GALNT13: variants seen among roughly 807,000 people sequenced by gnomAD.
GALNT13 encodes the protein polypeptide N-acetylgalactosaminyltransferase 13.
In GALNT13, 28 loss-of-function variants were observed where a neutral mutation model predicts 64.2. The ratio of observed to expected loss-of-function variants is 0.44; its 90% confidence interval spans 0.32 to 0.60. GALNT13 has a LOEUF of 0.60. Among genes scored for constraint, GALNT13 ranks in the 20% least tolerant of loss-of-function variants. The pLI is 0.05. For synonymous variants in GALNT13, 214 were observed against 224.6 expected, an observed-to-expected ratio of 0.95 and a Z score of 0.42; for missense variants, 577 against 669.8, an observed-to-expected ratio of 0.86 and a Z score of 1.53.
At chr2:153,791,129 T>G in the GALNT13 span, among the ~76,000 whole-genome samples, 4 of 152,088 alleles carry the variant, frequency 2.6e-5, no homozygotes, top group Non-Finnish European at 2.9e-5. Flanking sequence ...CATCTGACAA[T>G]GATCTAATAA....
At chr2:153,986,203 T>C (rs1694789382) in intron 3 of GALNT13, among the ~76,000 whole-genome samples, 2 of 152,004 alleles carry the variant, frequency 1.3e-5, no homozygotes, top group African/African-American at 2.4e-5. Context: ...GGTACATGCA[T>C]TAACATGGAG....
intron 9 of GALNT13, among the ~76,000 whole-genome samples, chr2:154,390,994 G>A (rs1377477799): frequency 4.6e-5 from 7 of 152,302 alleles, no homozygotes; most frequent in Admixed American, 2.6e-4. Flanking sequence ...TACAGAGCTT[G>A]ACCACAGTAA....
At chr2:154,378,396 C>T (rs6760603) in intron 9 of GALNT13, among the ~76,000 whole-genome samples, 87,820 of 151,956 alleles carry the variant, frequency 0.58, 25,783 homozygotes, top group Admixed American at 0.65. Context: ...GAGAAGGACT[C>T]ACTTCCACAC....
At chr2:153,077,455 A>G in the GALNT13 span, among the ~76,000 whole-genome samples, 2 of 152,092 alleles carry the variant, frequency 1.3e-5, no homozygotes, top group South Asian at 4.1e-4. Context: ...TGTCAGAGGC[A>G]AGTGTTCATA....
the GALNT13 span, among the ~76,000 whole-genome samples, chr2:153,603,616 C>A: frequency 6.6e-6 from 1 of 151,890 alleles, no homozygotes; most frequent in Non-Finnish European, 1.5e-5. Flanking sequence ...GTACTATAGA[C>A]TTTGCTGTGA....
intron 2 of GALNT13, among the ~76,000 whole-genome samples, chr2:153,927,243 G>A (rs1402950452): frequency 6.6e-6 from 1 of 151,830 alleles, no homozygotes; most frequent in Non-Finnish European, 1.5e-5. Flanking sequence ...TCCCATCTTT[G>A]CTAAAATATA....
At chr2:154,438,888 T>C (rs1230851005) in intron 12 of GALNT13, among the ~76,000 whole-genome samples, 162 bp downstream of exon 12, 1 of 152,154 alleles carries the variant, frequency 6.6e-6, no homozygotes, top group Non-Finnish European at 1.5e-5. Flanking sequence ...GCATATCATA[T>C]AAACAGGTTT....
the GALNT13 span, among the ~76,000 whole-genome samples, chr2:153,612,310 C>T: frequency 6.6e-6 from 1 of 152,028 alleles, no homozygotes; most frequent in African/African-American, 2.4e-5. Flanking sequence ...ACCAGAAATA[C>T]CATTTGACCC....
At chr2:154,288,346 C>G (rs1445703150) in intron 8 of GALNT13, among the ~76,000 whole-genome samples, 1 of 152,010 alleles carries the variant, frequency 6.6e-6, no homozygotes, top group Non-Finnish European at 1.5e-5. Flanking sequence ...GGAGACAGAG[C>G]CAAACCATAT....
chr2:153,550,669 C>T, the GALNT13 span, among the ~76,000 whole-genome samples: 1 of 152,238 alleles, frequency 6.6e-6, no homozygotes, highest in East Asian at 1.9e-4. Context: ...GTATAATGAA[C>T]CATATTTTAC....
intron 9 of GALNT13, among the ~76,000 whole-genome samples, chr2:154,339,128 C>T (rs1223049877): frequency 2.0e-5 from 3 of 152,070 alleles, no homozygotes; most frequent in African/African-American, 7.2e-5. Context: ...AAAATCAGAT[C>T]CGCATCCTGC....
At chr2:153,846,531 T>C in the GALNT13 span, among the ~76,000 whole-genome samples, 6 of 152,092 alleles carry the variant, frequency 3.9e-5, no homozygotes, top group Admixed American at 6.5e-5. Context: ...GATGTTAGAT[T>C]TAAACTTAAG....
intron 9 of GALNT13, among the ~76,000 whole-genome samples, chr2:154,312,386 T>G (rs192373407): frequency 2.0e-3 from 298 of 152,326 alleles, no homozygotes; most frequent in African/African-American, 6.2e-3. Context: ...CTAATGACAT[T>G]GGGATTTCTT....
At chr2:153,170,909 AAAGT>A in the GALNT13 span, among the ~76,000 whole-genome samples, 10 of 152,378 alleles carry the variant, frequency 6.6e-5, no homozygotes, top group South Asian at 2.1e-4. Flanking sequence ...TTTGATTAAC[AAAGT>A]AAGGTTCTGA....
chr2:154,216,039 A>G (rs1688024207), intron 4 of GALNT13, among the ~76,000 whole-genome samples: 1 of 152,040 alleles, frequency 6.6e-6, no homozygotes. Flanking sequence ...TTTACATTTG[A>G]TATTTTCTTT....
chr2:154,328,356 T>G (rs1305347503), intron 9 of GALNT13, among the ~76,000 whole-genome samples: 1 of 152,176 alleles, frequency 6.6e-6, no homozygotes, highest in African/African-American at 2.4e-5. Flanking sequence ...TTTTTGATAC[T>G]CATCCACACT....
At chr2:153,585,887 A>G in the GALNT13 span, among the ~76,000 whole-genome samples, 29 of 152,314 alleles carry the variant, frequency 1.9e-4, no homozygotes, top group African/African-American at 6.7e-4. Flanking sequence ...ATTAAGTATC[A>G]TAAATAAAGA....
chr2:154,106,024 C>T (rs542860550), intron 3 of GALNT13, among the ~76,000 whole-genome samples: 27 of 152,272 alleles, frequency 1.8e-4, no homozygotes, highest in Admixed American at 1.8e-3. Flanking sequence ...GTCACTCACT[C>T]AGCTCTCATT....
intron 9 of GALNT13, among the ~76,000 whole-genome samples, chr2:154,326,337 A>AG (rs903874587): frequency 6.6e-6 from 1 of 151,996 alleles, no homozygotes; most frequent in African/African-American, 2.4e-5. Context: ...AAAAAAAAAA[A>AG]AAAAATACAA....
Sources: allele counts gnomAD v4.1 joint callset (sites outside exome capture counted in the v4.1 genomes callset), GRCh38; gene constraint gnomAD v4.1.1; transcripts MANE v1.5; gene names NCBI Gene and HGNC (gene_info 2026-07-23, HGNC 2026-07-21).